The following RAB19 variants were observed in gnomAD, a reference collection of about 807,000 sequenced individuals.
RAB19 encodes the protein RAB19, member RAS oncogene family, also known as ras-related protein Rab-19.
In RAB19, 21 loss-of-function variants were observed where a neutral mutation model predicts 17.3. The ratio of observed to expected loss-of-function variants is 1.21; its 90% confidence interval spans 0.86 to 1.74. The LOEUF (loss-of-function observed/expected upper bound fraction) is 1.74, where lower values mean the gene tolerates loss of function less well. RAB19 is among the 40% of genes most tolerant of loss of function. The pLI, the probability that RAB19 is intolerant of heterozygous loss-of-function variation, is 0.00. For missense variants in RAB19, 277 were observed against 286.8 expected (o/e 0.97, Z 0.25); for synonymous variants, 126 against 110.4 (o/e 1.14, Z -0.88).
chr7:140,422,583 T>C (rs1486393562), intron 3 of RAB19, among the ~76,000 whole-genome samples: 1 of 151,366 alleles, frequency 6.6e-6, no homozygotes, highest in African/African-American at 2.4e-5. Context: ...ACATCTGTGG[T>C]ATTACATTTT....
intron 3 of RAB19, among the ~76,000 whole-genome samples, chr7:140,421,724 TC>T (rs765616518): frequency 6.6e-6 from 1 of 152,134 alleles, no homozygotes; most frequent in East Asian, 1.9e-4. Context: ...GGTCTTGAAT[TC>T]CTGGGCTCAA....
intron 3 of RAB19, among the ~76,000 whole-genome samples, chr7:140,414,887 C>T (rs1799427551): frequency 6.6e-6 from 1 of 152,172 alleles, no homozygotes; most frequent in Middle Eastern, 3.4e-3. Context: ...GGGGGCCCAG[C>T]TCCTCCTAAT....
intron 3 of RAB19, among the ~76,000 whole-genome samples, chr7:140,415,671 T>C (rs749115415): frequency 2.0e-5 from 3 of 152,168 alleles, no homozygotes; most frequent in Non-Finnish European, 4.4e-5. Context: ...AAATCTTCAA[T>C]GCTGGGCATG....
chr7:140,409,773 T>G (rs1239111333), intron 2 of RAB19, among the ~76,000 whole-genome samples: 1 of 151,536 alleles, frequency 6.6e-6, no homozygotes. Context: ...GTGGGTGGAT[T>G]ACGAGGTCAG....
At chr7:140,415,139 A>T (rs1475696680) in intron 3 of RAB19, among the ~76,000 whole-genome samples, 1 of 150,896 alleles carries the variant, frequency 6.6e-6, no homozygotes, top group Non-Finnish European at 1.5e-5. Flanking sequence ...CAGTAGTGCA[A>T]TCTCGGCTCA....
chr7:140,412,452 G>T (rs1403316041), intron 3 of RAB19, among the ~76,000 whole-genome samples: 1 of 151,758 alleles, frequency 6.6e-6, no homozygotes, highest in Non-Finnish European at 1.5e-5. Context: ...ACTCCGTCGG[G>T]GGGAAAAAAA....
intron 3 of RAB19, among the ~76,000 whole-genome samples, chr7:140,420,679 G>A (rs1230227438): frequency 6.6e-6 from 1 of 152,072 alleles, no homozygotes; most frequent in East Asian, 1.9e-4. Flanking sequence ...ATGGTATGGG[G>A]GATGGGGTGC....
chr7:140,407,951 G>A (rs12703835), intron 2 of RAB19, 104 bp downstream of exon 2: 531,803 of 895,510 alleles, frequency 0.59, 160,668 homozygotes, highest in East Asian at 0.82. Context: ...TGCAAGCTCC[G>A]CCTCCCGGGT....
At chr7:140,413,851 T>C (rs1221175023) in intron 3 of RAB19, among the ~76,000 whole-genome samples, 1 of 152,120 alleles carries the variant, frequency 6.6e-6, no homozygotes, top group African/African-American at 2.4e-5. Flanking sequence ...CCAGCAATGG[T>C]GGCTCCCAGA....
intron 2 of RAB19, 119 bp from the exon 3 acceptor site, chr7:140,411,755 G>A: frequency 6.3e-7 from 1 of 1,581,200 alleles, no homozygotes; most frequent in Non-Finnish European, 8.6e-7. Context: ...CAGATCTACT[G>A]GGTCTGAATA....
intron 3 of RAB19, among the ~76,000 whole-genome samples, chr7:140,420,336 G>A (rs6973069): frequency 0.16 from 23,596 of 149,896 alleles, 2,238 homozygotes; most frequent in African/African-American, 0.27. Context: ...CAGGAGAATC[G>A]CTTGAACCCA....
chr7:140,404,724 A>C (rs569289797), intron 1 of RAB19, among the ~76,000 whole-genome samples: 2,513 of 152,280 alleles, frequency 0.017, 69 homozygotes, highest in African/African-American at 0.057. Context: ...CATCAAATGT[A>C]ATCATTAAGT....
intron 3 of RAB19, among the ~76,000 whole-genome samples, chr7:140,425,656 G>A (rs1219843633): frequency 1.3e-5 from 2 of 151,276 alleles, no homozygotes; most frequent in East Asian, 2.0e-4. Context: ...CCTGGGAGAC[G>A]GAGGTTGCAA....
chr7:140,424,436 C>T (rs1799616622), intron 3 of RAB19, among the ~76,000 whole-genome samples: 1 of 152,034 alleles, frequency 6.6e-6, no homozygotes, highest in African/African-American at 2.4e-5. Context: ...GGATTACAGG[C>T]ATGAGCCACC....
intron 2 of RAB19, among the ~76,000 whole-genome samples, chr7:140,411,606 A>G (rs1799362948): frequency 6.6e-6 from 1 of 151,960 alleles, no homozygotes. Flanking sequence ...GTTGGGCTGC[A>G]TTCAAAGTTG....
intron 2 of RAB19, 25 bp from the exon 3 acceptor site, chr7:140,411,849 G>A (rs759305424): frequency 2.3e-5 from 37 of 1,613,906 alleles, no homozygotes; most frequent in Non-Finnish European, 3.0e-5. Context: ...CCCTGATTTG[G>A]ACTCTCCTTC....
chr7:140,416,084 T>C (rs933978449), intron 3 of RAB19, among the ~76,000 whole-genome samples: 1 of 152,016 alleles, frequency 6.6e-6, no homozygotes, highest in Non-Finnish European at 1.5e-5. Context: ...GGCTCACGTC[T>C]GTAATCCTAG....
chr7:140,419,026 G>A (rs1468873378), intron 3 of RAB19, among the ~76,000 whole-genome samples: 1 of 150,398 alleles, frequency 6.6e-6, no homozygotes, highest in Non-Finnish European at 1.5e-5. Context: ...CCTAAATACT[G>A]CAGTTTTGTT....
chr7:140,412,496 C>A (rs1799385451), intron 3 of RAB19, among the ~76,000 whole-genome samples: 1 of 151,216 alleles, frequency 6.6e-6, no homozygotes, highest in Non-Finnish European at 1.5e-5. Context: ...TCAGAAAGTG[C>A]CTTTAAGCTG....
Sources: allele counts gnomAD v4.1 joint callset (sites outside exome capture counted in the v4.1 genomes callset), GRCh38; gene constraint gnomAD v4.1.1; transcripts MANE v1.5; gene names NCBI Gene and HGNC (gene_info 2026-07-23, HGNC 2026-07-21).